Variants in ARHGAP44 observed in about 807,000 individuals in gnomAD.
The protein encoded by ARHGAP44 is rho GTPase-activating protein 44.
Under a neutral mutation model 106.8 loss-of-function variants are expected in ARHGAP44, and 43 were observed. The ratio of observed to expected loss-of-function variants is 0.40; its 90% CI spans 0.32 to 0.52. The LOEUF is 0.52. Among genes scored for constraint, ARHGAP44 ranks in the 20% least tolerant of loss-of-function variants. The probability of loss-of-function intolerance (pLI) is 0.48; values close to 1 mark genes in which losing one functional copy is unlikely to be tolerated. For synonymous variants in ARHGAP44, 439 were observed against 410.3 expected (o/e 1.07, Z -0.85); for missense variants, 866 against 1,050.5 (o/e 0.82, Z 2.43).
chr17:12,951,189 G>A (rs1328080855), intron 12 of ARHGAP44, among the ~76,000 whole-genome samples: 1 of 152,200 alleles, frequency 6.6e-6, no homozygotes, highest in African/African-American at 2.4e-5. Flanking sequence ...GTGCTTATTA[G>A]AGACTTGACA....
intron 16 of ARHGAP44, among the ~76,000 whole-genome samples, chr17:12,963,489 A>G (rs2039313024): frequency 6.6e-6 from 1 of 151,892 alleles, no homozygotes; most frequent in Non-Finnish European, 1.5e-5. Context: ...TCTGAGAAGG[A>G]GTCATTCTGG....
At chr17:12,944,804 C>G (rs2038808377) in intron 10 of ARHGAP44, among the ~76,000 whole-genome samples, 1 of 150,890 alleles carries the variant, frequency 6.6e-6, no homozygotes, top group Non-Finnish European at 1.5e-5. Context: ...GCTATTACTA[C>G]TCCTTCTCCT....
intron 7 of ARHGAP44, among the ~76,000 whole-genome samples, chr17:12,930,849 C>A (rs916827685): frequency 6.6e-6 from 1 of 152,148 alleles, no homozygotes; most frequent in Non-Finnish European, 1.5e-5. Flanking sequence ...TGTCCAGCAA[C>A]CTTTCTGTTT....
chr17:12,990,364 G>C lies in ARHGAP44; in HGVS notation c.*193G>C, dbSNP rs151056120. ...GATGCTGGTGGTGCAGGTTTTGTTT[G>C]TTCCTTTCGGGTGGTGACTTCGGCC... On this transcript the variant is annotated 3_prime_UTR_variant, in exon 21 of 21. Transcript: ENST00000379672. 1,948 of 701,282 alleles carry C rather than the reference G, an allele frequency of 2.8e-3. 24 individuals carry two copies. In the African/African-American group the frequency reaches 0.03, roughly 11 times the overall value. 43.4% of individuals were successfully genotyped at this position (701,282 alleles called of 1,614,324 possible). A position where few individuals can be genotyped will look rare whatever the true frequency, so the allele number is the denominator to read the frequency against.
chr17:12,925,214 A>G (rs1309449494), intron 6 of ARHGAP44, among the ~76,000 whole-genome samples: 1 of 152,078 alleles, frequency 6.6e-6, no homozygotes, highest in East Asian at 1.9e-4. Context: ...GAGGGACTCC[A>G]TTTGTCTGGA....
At chr17:12,859,291 T>C (rs2035998448) in intron 1 of ARHGAP44, among the ~76,000 whole-genome samples, 1 of 152,202 alleles carries the variant, frequency 6.6e-6, no homozygotes, top group Non-Finnish European at 1.5e-5. Flanking sequence ...GAACCAACCC[T>C]GCTGACACCT....
At chr17:12,812,027 C>T (rs939470033) in intron 1 of ARHGAP44, among the ~76,000 whole-genome samples, 1 of 152,138 alleles carries the variant, frequency 6.6e-6, no homozygotes, top group African/African-American at 2.4e-5. Context: ...CACAATTGAA[C>T]CCACAGGGCC....
At position 12,949,076 on chromosome 17, in the gene ARHGAP44, G is replaced by A. The variant is rs768833072; in HGVS notation, c.862-64G>A. The A allele has an allele frequency of 2.7e-5, 39 of 1,445,940 alleles. No homozygotes were observed. The highest frequency in any genetic ancestry group is 3.5e-5 in the Non-Finnish European group (37 of 1,056,874). 89.6% of individuals were successfully genotyped at this position (1,445,940 alleles called of 1,614,324 possible). A position where few individuals can be genotyped will look rare whatever the true frequency, so the allele number is the denominator to read the frequency against. On this transcript the variant is annotated intron_variant, in intron 10 of 20. Coordinates refer to ENST00000379672, the MANE Select transcript of ARHGAP44 (RefSeq NM_014859.6). The surrounding 1 kb of genome is among the most constrained non-coding windows in gnomAD (Gnocchi z 4.1). ...GGAGAAAAGAAGCAGGCAGTTGCGG[G>A]GTCTCTGCGCTTTGATGTTGTACCT...
At chr17:12,964,071 A>G (rs1305295424) in intron 16 of ARHGAP44, among the ~76,000 whole-genome samples, 1 of 152,216 alleles carries the variant, frequency 6.6e-6, no homozygotes, top group Non-Finnish European at 1.5e-5. Context: ...AAAGTATTAA[A>G]TAAATCACAC....
chr17:12,792,784 T>C (rs1457798290), intron 1 of ARHGAP44, among the ~76,000 whole-genome samples: 1 of 152,220 alleles, frequency 6.6e-6, no homozygotes, highest in East Asian at 1.9e-4. Flanking sequence ...ATTTTAACAA[T>C]GTAGGAGTTG....
chr17:12,926,788 G>A (rs1189287608), intron 6 of ARHGAP44, among the ~76,000 whole-genome samples: 1 of 151,752 alleles, frequency 6.6e-6, no homozygotes, highest in Non-Finnish European at 1.5e-5. Context: ...AGTGTTTGTA[G>A]TCACTTTATA....
At chr17:12,859,321 T>G (rs1330128693) in intron 1 of ARHGAP44, among the ~76,000 whole-genome samples, 5 of 152,202 alleles carry the variant, frequency 3.3e-5, no homozygotes, top group Admixed American at 3.3e-4. Context: ...ACTTCTGGGC[T>G]GCCAAACTGT....
intron 16 of ARHGAP44, among the ~76,000 whole-genome samples, chr17:12,972,670 T>C (rs1201490994): frequency 6.6e-6 from 1 of 151,352 alleles, no homozygotes; most frequent in Non-Finnish European, 1.5e-5. Flanking sequence ...TAAATATTTT[T>C]TTTTTTTTTG....
At chr17:12,886,773 T>G (rs2036892813) in intron 1 of ARHGAP44, among the ~76,000 whole-genome samples, 1 of 152,114 alleles carries the variant, frequency 6.6e-6, no homozygotes, top group Non-Finnish European at 1.5e-5. Context: ...ATCTACATGC[T>G]TTTTTTCTTT....
At position 12,906,799 on chromosome 17, in the gene ARHGAP44, G is replaced by T. The variant is rs527483543; in HGVS notation, c.199-2098G>T. Among the ~76,000 whole-genome samples the T allele has an allele frequency of 3.4e-4, 51 of 152,146 alleles. No homozygotes were observed. In the South Asian group the frequency reaches 0.01, roughly 31 times the overall value. The stretch of plus-strand genomic sequence containing the variant: ...AAAATTTAGAAATAAAATTAGCCAG[G>T]CATGGGGGTGCATGCCTGTAGTTCT... On this transcript the variant is annotated intron_variant, in intron 3 of 20. Coordinates refer to ENST00000379672, the MANE Select transcript of ARHGAP44 (RefSeq NM_014859.6).
chr17:12,851,890 GA>G (rs1254566304), intron 1 of ARHGAP44, among the ~76,000 whole-genome samples: 1 of 151,942 alleles, frequency 6.6e-6, no homozygotes, highest in African/African-American at 2.4e-5. Context: ...GGAGGCCAGG[GA>G]ATATAATCGT....
At chr17:12,889,712 C>T (rs556252816) in intron 1 of ARHGAP44, among the ~76,000 whole-genome samples, 2 of 152,302 alleles carry the variant, frequency 1.3e-5, no homozygotes, top group African/African-American at 4.8e-5. Flanking sequence ...AGTCCAGAAT[C>T]TCATCTAGAT....
At chr17:12,954,641 A>G (rs1049446948) in intron 13 of ARHGAP44, among the ~76,000 whole-genome samples, 3 of 152,100 alleles carry the variant, frequency 2.0e-5, no homozygotes, top group African/African-American at 7.2e-5. Flanking sequence ...TCGCTTCACT[A>G]TGATCCAAGC....
At chr17:12,943,291 T>G (rs767573) in intron 8 of ARHGAP44, among the ~76,000 whole-genome samples, 110,685 of 152,106 alleles carry the variant, frequency 0.73, 40,700 homozygotes, top group African/African-American at 0.82. Flanking sequence ...TGAGGATGGG[T>G]TGCCAGAGGA....
Sources: allele counts gnomAD v4.1 joint callset (sites outside exome capture counted in the v4.1 genomes callset), GRCh38; gene constraint gnomAD v4.1.1; non-coding constraint Gnocchi (gnomAD v3.1); transcripts MANE v1.5; gene names NCBI Gene and HGNC (gene_info 2026-07-23, HGNC 2026-07-21).